Variants in VWA3B observed in about 807,000 individuals in gnomAD.
VWA3B encodes the protein von Willebrand factor A domain-containing protein 3B.
Under a neutral mutation model 158.3 loss-of-function variants are expected in VWA3B, and 138 were observed. That is an observed-to-expected ratio of 0.87 (90% CI 0.76 to 1.00). VWA3B has a LOEUF of 1.00. Among genes scored for constraint, VWA3B ranks in the 50% least tolerant of loss-of-function variants. The probability of loss-of-function intolerance (pLI) is 0.00; values close to 1 mark genes in which losing one functional copy is unlikely to be tolerated. For synonymous variants in VWA3B, 596 were observed against 587.3 expected, an observed-to-expected ratio of 1.01 and a Z score of -0.21; for missense variants, 1,555 against 1,565.1, an observed-to-expected ratio of 0.99 and a Z score of 0.11.
At chr2:98,147,539 ATAAAATTTT>A (rs1677263211) in intron 7 of VWA3B, among the ~76,000 whole-genome samples, 1 of 152,194 alleles carries the variant, frequency 6.6e-6, no homozygotes, top group African/African-American at 2.4e-5. Context: ...CCACATTACT[ATAAAATTTT>A]TGTAGTTGAC....
intron 19 of VWA3B, among the ~76,000 whole-genome samples, chr2:98,246,544 A>AT (rs781624122): frequency 3.3e-4 from 49 of 149,828 alleles, no homozygotes; most frequent in South Asian, 6.4e-4. Flanking sequence ...TGCCTGGCTC[A>AT]TTTTTTTTTG....
chr2:98,172,432 C>T (rs1312865955), intron 8 of VWA3B, among the ~76,000 whole-genome samples: 1 of 152,202 alleles, frequency 6.6e-6, no homozygotes, highest in Non-Finnish European at 1.5e-5. Flanking sequence ...CTCCGATATG[C>T]TCCTCTCGAT....
intron 26 of VWA3B, among the ~76,000 whole-genome samples, chr2:98,304,796 G>T (rs1298470538): frequency 6.6e-6 from 1 of 152,020 alleles, no homozygotes; most frequent in Non-Finnish European, 1.5e-5. Flanking sequence ...CAAGTACACA[G>T]GTTGGCCTCC....
chr2:98,266,944 G>A (rs1328233215), intron 21 of VWA3B, among the ~76,000 whole-genome samples: 9 of 144,654 alleles, frequency 6.2e-5, no homozygotes, highest in Admixed American at 6.9e-5. Flanking sequence ...AGGAGATTTT[G>A]GGCTGAGACA....
intron 2 of VWA3B, among the ~76,000 whole-genome samples, chr2:98,104,957 TATTTTTACATACATTATAAA>T (rs1235161651): frequency 7.2e-5 from 11 of 152,222 alleles, no homozygotes; most frequent in Non-Finnish European, 1.2e-4. Flanking sequence ...TAATGTATTT[TATTTTTACATACATTATAAA>T]TCTCACAATT....
chr2:98,295,465 A>G (rs965694931), intron 23 of VWA3B, among the ~76,000 whole-genome samples: 7 of 152,222 alleles, frequency 4.6e-5, no homozygotes, highest in African/African-American at 1.4e-4. Flanking sequence ...GAAGGCCTCC[A>G]TAGGAGCACA....
At chr2:98,320,820 G>A in the VWA3B span, among the ~76,000 whole-genome samples, 2 of 152,156 alleles carry the variant, frequency 1.3e-5, no homozygotes, top group African/African-American at 2.4e-5. Flanking sequence ...GAGAGAAAAC[G>A]CCATTTTCTG....
intron 14 of VWA3B, among the ~76,000 whole-genome samples, chr2:98,223,717 T>G (rs1162411680): frequency 1.3e-5 from 2 of 152,138 alleles, no homozygotes; most frequent in Non-Finnish European, 2.9e-5. Context: ...ATTTTATTAT[T>G]TTACTTTTAT....
chr2:98,190,082 C>A (rs995091632), intron 10 of VWA3B, among the ~76,000 whole-genome samples: 2 of 152,018 alleles, frequency 1.3e-5, no homozygotes, highest in African/African-American at 4.8e-5. Flanking sequence ...GGATTTAAAT[C>A]TAAGATTTTG....
intron 12 of VWA3B, among the ~76,000 whole-genome samples, chr2:98,210,247 G>A (rs951899001): frequency 2.6e-5 from 4 of 152,126 alleles, no homozygotes; most frequent in African/African-American, 9.7e-5. Flanking sequence ...TCCTTCTGTG[G>A]TTTCCTGCCT....
chr2:98,317,887 C>A (rs1402237475), downstream of VWA3B, among the ~76,000 whole-genome samples: 1 of 152,040 alleles, frequency 6.6e-6, no homozygotes, highest in Non-Finnish European at 1.5e-5. Flanking sequence ...CTCTTTTTGT[C>A]AACAAAGTTC....
chr2:98,098,093 C>A (rs1042342230), intron 2 of VWA3B, among the ~76,000 whole-genome samples: 1 of 152,024 alleles, frequency 6.6e-6, no homozygotes, highest in Non-Finnish European at 1.5e-5. Context: ...ATACTTGATA[C>A]GATTTCAGTC....
chr2:98,091,378 CT>C (rs1682282381), intron 1 of VWA3B, among the ~76,000 whole-genome samples: 1 of 152,172 alleles, frequency 6.6e-6, no homozygotes, highest in Non-Finnish European at 1.5e-5. Context: ...AAGCTGTGAG[CT>C]AGTGCGTATA....
rs1172420798 is a variant in VWA3B at position 98,133,946 on chromosome 2, G to A, written c.988+7G>A. The A allele has an allele frequency of 1.9e-6, 3 of 1,613,020 alleles. No homozygotes were observed. The highest frequency in any genetic ancestry group is 2.5e-6 in the Non-Finnish European group (3 of 1,179,020). The stretch of plus-strand genomic sequence containing the variant: ...AAAGGAAAACTCCCTCCAGGTACCT[G>A]GAATCCAAAAGAAGTGGTGTAGCTT... On this transcript the variant is annotated splice_region_variant and intron_variant, in intron 7 of 27. Transcript: ENST00000477737.
Position 98,180,947 on chromosome 2 carries a change from A to G in VWA3B, c.1115-69A>G, listed in dbSNP as rs1363656907. The G allele has an allele frequency of 4.0e-6, 6 of 1,489,962 alleles. No homozygotes were observed. In the African/African-American group the frequency reaches 5.6e-5, roughly 14 times the overall value. 92.3% of individuals were successfully genotyped at this position (1,489,962 alleles called of 1,614,324 possible). On this transcript the variant is annotated intron_variant, in intron 8 of 27. Coordinates refer to ENST00000477737, the MANE Select transcript of VWA3B (RefSeq NM_144992.5). ...TAAAGAACACGTTCCAAGTTGGTCA[A>G]TATTAAGTTGGGGGTGTAATATGAA...
intron 19 of VWA3B, among the ~76,000 whole-genome samples, chr2:98,248,879 CTTT>C (rs1686605110): frequency 1.7e-4 from 6 of 34,472 alleles, no homozygotes; most frequent in Non-Finnish European, 2.8e-4. Context: ...TTCTTTCTTT[CTTT>C]CTCTCTTTCC....
intron 2 of VWA3B, among the ~76,000 whole-genome samples, chr2:98,103,205 T>C (rs1683207083): frequency 6.6e-6 from 1 of 152,196 alleles, no homozygotes; most frequent in East Asian, 1.9e-4. Flanking sequence ...TAAGTCTTGT[T>C]AGCAGTATAT....
rs13420038 is a variant in VWA3B, at chr2:98,250,037, A to C, written c.2674-281A>C. On this transcript the variant is annotated intron_variant, in intron 19 of 27. Transcript: ENST00000477737. ...TCGCAATTCTAATTAAGGTTTTCTG[A>C]AACAGTTTTGGCGGTGGTTGTTTTT... 0.042 allele frequency among the ~76,000 whole-genome samples: 6,366 copies of C among 152,210 alleles called. 428 individuals carry two copies. The highest frequency in any genetic ancestry group is 0.14 in the African/African-American group (5,975 of 41,476).
chr2:98,088,543 C>T (rs1047004277), intron 1 of VWA3B, among the ~76,000 whole-genome samples: 10 of 152,132 alleles, frequency 6.6e-5, no homozygotes, highest in South Asian at 2.1e-4. Context: ...ACACTTCCTC[C>T]TTCTTCTAAG....
Sources: gnomAD v4.1 joint callset for allele counts (sites outside exome capture counted in the v4.1 genomes callset) on GRCh38, gnomAD v4.1.1 for gene constraint, MANE v1.5 for transcripts, NCBI Gene and HGNC (gene_info 2026-07-23, HGNC 2026-07-21) for gene names.